ZDHHC2: variants seen among roughly 807,000 people sequenced by gnomAD.
ZDHHC2 encodes palmitoyltransferase ZDHHC2.
In ZDHHC2, 51 loss-of-function variants were observed where a neutral mutation model predicts 55.6. That is an observed-to-expected ratio of 0.92 (90% CI 0.73 to 1.16). The LOEUF (loss-of-function observed/expected upper bound fraction) is 1.16, where lower values mean the gene tolerates loss of function less well. Ranked by LOEUF, ZDHHC2 falls within the 50% of genes most tolerant of loss-of-function variation. The probability of loss-of-function intolerance (pLI) is 0.00; values close to 1 mark genes in which losing one functional copy is unlikely to be tolerated. For missense variants in ZDHHC2, 491 were observed against 442.4 expected, an observed-to-expected ratio of 1.11 and a Z score of -0.99; for synonymous variants, 199 against 152.9, an observed-to-expected ratio of 1.30 and a Z score of -2.22.
intron 1 of ZDHHC2, among the ~76,000 whole-genome samples, chr8:17,158,520 C>T (rs925409309): frequency 6.6e-6 from 1 of 152,170 alleles, no homozygotes; most frequent in African/African-American, 2.4e-5. Flanking sequence ...GATGTCTGCT[C>T]CTAGCTGAGG....
intron 6 of ZDHHC2, among the ~76,000 whole-genome samples, chr8:17,201,539 C>T (rs1318915431): frequency 8.7e-6 from 1 of 114,700 alleles, no homozygotes; most frequent in African/African-American, 3.4e-5. Context: ...GTAACCTGGG[C>T]TAGAGTGTGG....
At chr8:17,175,068 G>A (rs528916526) in intron 1 of ZDHHC2, among the ~76,000 whole-genome samples, 1 of 152,168 alleles carries the variant, frequency 6.6e-6, no homozygotes, top group African/African-American at 2.4e-5. Context: ...AGTAATTTCT[G>A]GGCCATTTTC....
chr8:17,162,759 T>C (rs1472048415), intron 1 of ZDHHC2: 1 of 152,188 alleles, frequency 6.6e-6, no homozygotes, highest in Non-Finnish European at 1.5e-5. Flanking sequence ...CCGGATGCCA[T>C]TTCCACAGCA....
chr8:17,162,047 C>G (rs890523054), intron 1 of ZDHHC2, among the ~76,000 whole-genome samples: 1 of 152,114 alleles, frequency 6.6e-6, no homozygotes, highest in Non-Finnish European at 1.5e-5. Flanking sequence ...GTTCCAAACT[C>G]TTGATCCGTG....
intron 11 of ZDHHC2, 144 bp downstream of exon 11, chr8:17,215,493 A>G (rs1472602775): frequency 4.1e-6 from 3 of 738,764 alleles, no homozygotes; most frequent in Non-Finnish European, 4.6e-6. Flanking sequence ...TTATTTTCAA[A>G]GAACTATTTA....
chr8:17,164,580 A>T (rs543007788), intron 1 of ZDHHC2, among the ~76,000 whole-genome samples: 1 of 152,092 alleles, frequency 6.6e-6, no homozygotes, highest in Non-Finnish European at 1.5e-5. Flanking sequence ...TCATCAGCAA[A>T]ATATACACTA....
chr8:17,157,117 C>T (rs1031273347), intron 1 of ZDHHC2, among the ~76,000 whole-genome samples: 4 of 152,090 alleles, frequency 2.6e-5, no homozygotes, highest in Non-Finnish European at 5.9e-5. Flanking sequence ...GCCTTCCGCT[C>T]ACCGCCGCCG....
At chr8:17,195,022 A>G (rs1806233822) in intron 3 of ZDHHC2, among the ~76,000 whole-genome samples, 1 of 152,132 alleles carries the variant, frequency 6.6e-6, no homozygotes, top group African/African-American at 2.4e-5. Flanking sequence ...AAATAATTAG[A>G]CCCTTTAGAA....
intron 3 of ZDHHC2, among the ~76,000 whole-genome samples, chr8:17,194,225 CAT>C (rs1806189328): frequency 6.6e-6 from 1 of 152,090 alleles, no homozygotes; most frequent in African/African-American, 2.4e-5. Flanking sequence ...CCGCAATAAA[CAT>C]ATGTGTGCCT....
chr8:17,186,912 C>G (rs1326510557), intron 3 of ZDHHC2, among the ~76,000 whole-genome samples: 1 of 152,202 alleles, frequency 6.6e-6, no homozygotes, highest in Non-Finnish European at 1.5e-5. Context: ...GTGTAGCCTC[C>G]ATTTCCAAGG....
At chr8:17,209,841 T>A in intron 8 of ZDHHC2, 91 bp from the exon 9 acceptor site, 1 of 1,403,428 alleles carries the variant, frequency 7.1e-7, no homozygotes, top group Non-Finnish European at 9.4e-7. Context: ...ATTTTCAGAG[T>A]TTCTTCATTT....
rs903042978 is a variant in ZDHHC2, at chr8:17,222,527, A to G, written c.*2306A>G. 2 of 151,904 alleles carry G rather than the reference A, an allele frequency of 1.3e-5. No individual in the cohort carries two copies. Among genetic ancestry groups the G allele is most frequent in the Non-Finnish European group, 1.5e-5 (1 of 67,800 alleles). 9.4% of individuals were successfully genotyped at this position (151,904 alleles called of 1,614,324 possible). A position where few individuals can be genotyped will look rare whatever the true frequency, so the allele number is the denominator to read the frequency against. On this transcript the variant is annotated 3_prime_UTR_variant, in exon 13 of 13. Coordinates refer to ENST00000262096, the MANE Select transcript of ZDHHC2 (RefSeq NM_016353.5). ...TTTTCTTGCTTTTATAGATTTTACT[A>G]TATAGGAATCAAGATTTAAGAAATT...
At chr8:17,180,175 G>C (rs1037090271) in intron 1 of ZDHHC2, among the ~76,000 whole-genome samples, 1 of 151,984 alleles carries the variant, frequency 6.6e-6, no homozygotes, top group African/African-American at 2.4e-5. Flanking sequence ...TTTTTTTAAA[G>C]TAATTGTTTT....
chr8:17,223,504 C>G lies in ZDHHC2; in HGVS notation c.*3283C>G, dbSNP rs932556789. ...GTGGCTTAATCCCAAATGTTTTACA[C>G]TTCTTTTCCACATACTTAGCCAGTT... is the stretch of plus-strand genomic sequence containing the variant. On this transcript the variant is annotated 3_prime_UTR_variant, in exon 13 of 13. Transcript: ENST00000262096. 1 of 151,904 alleles carries G rather than the reference C, an allele frequency of 6.6e-6. No homozygotes were observed. Among genetic ancestry groups the G allele is most frequent in the Non-Finnish European group, 1.5e-5 (1 of 67,820 alleles). The allele number at this position is 151,904 out of a possible 1,614,324, so 9.4% of individuals were successfully genotyped here.
chr8:17,181,821 CAT>C (rs2150902772), intron 1 of ZDHHC2, among the ~76,000 whole-genome samples: 1 of 152,100 alleles, frequency 6.6e-6, no homozygotes, highest in South Asian at 2.1e-4. Flanking sequence ...CTCTATTTTT[CAT>C]ATGTTATCTT....
intron 1 of ZDHHC2, among the ~76,000 whole-genome samples, chr8:17,180,323 G>A (rs1369465363): frequency 2.6e-5 from 4 of 151,914 alleles, no homozygotes; most frequent in Admixed American, 2.6e-4. Flanking sequence ...CCACTTTTTT[G>A]GTTTAAACAA....
intron 1 of ZDHHC2, among the ~76,000 whole-genome samples, chr8:17,183,801 G>A (rs975597103): frequency 1.3e-5 from 2 of 152,068 alleles, no homozygotes; most frequent in African/African-American, 4.8e-5. Context: ...TCCAACAGTG[G>A]AACGGGCTGC....
In ZDHHC2 at chr8:17,189,881, T is replaced by C. The variant is rs17124180; in HGVS notation, c.252+3456T>C. On this transcript the variant is annotated intron_variant, in intron 3 of 12. Coordinates refer to ENST00000262096, the MANE Select transcript of ZDHHC2 (RefSeq NM_016353.5). ...ATACTATTTTTTACTATTTTACAGA[T>C]GGAGCCACTGGCTTTGAACATGAAA... Among the ~76,000 whole-genome samples, 830 of 152,272 alleles carry C rather than the reference T, an allele frequency of 5.5e-3. 8 individuals are homozygous for C. The highest frequency in any genetic ancestry group is 0.019 in the African/African-American group (790 of 41,538).
At chr8:17,174,928 T>A (rs1340998786) in intron 1 of ZDHHC2, among the ~76,000 whole-genome samples, 1 of 151,876 alleles carries the variant, frequency 6.6e-6, no homozygotes, top group East Asian at 1.9e-4. Flanking sequence ...AGTTTTACCA[T>A]GTTGCCAAGG....
Sources: allele counts gnomAD v4.1 joint callset (sites outside exome capture counted in the v4.1 genomes callset), GRCh38; gene constraint gnomAD v4.1.1; transcripts MANE v1.5; gene names NCBI Gene and HGNC (gene_info 2026-07-23, HGNC 2026-07-21).